SLC9B2: variants seen among roughly 807,000 people sequenced by gnomAD.
SLC9B2 encodes the protein solute carrier family 9 member B2.
In SLC9B2, 39 loss-of-function variants were observed where a neutral mutation model predicts 52.2. That is an observed-to-expected ratio of 0.75 (90% CI 0.58 to 0.98). SLC9B2 has a LOEUF of 0.98. Ranked by LOEUF, SLC9B2 falls within the 50% of genes least tolerant of loss-of-function variation. The pLI, the probability that SLC9B2 is intolerant of heterozygous loss-of-function variation, is 0.00. For missense variants in SLC9B2, 626 were observed against 637.5 expected (o/e 0.98, Z 0.19); for synonymous variants, 214 against 227.0 (o/e 0.94, Z 0.51).
chr4:103,044,736 A>G (rs549620175), intron 8 of SLC9B2, among the ~76,000 whole-genome samples, 154 bp downstream of exon 8: 1 of 152,318 alleles, frequency 6.6e-6, no homozygotes, highest in Admixed American at 6.5e-5. Context: ...TATTGAGCCC[A>G]CTTCATAAAT....
chr4:103,057,603 G>A (rs1048403069), intron 4 of SLC9B2, among the ~76,000 whole-genome samples, 198 bp downstream of exon 4: 6 of 152,090 alleles, frequency 3.9e-5, no homozygotes, highest in Non-Finnish European at 7.4e-5. Flanking sequence ...CACAGCACAC[G>A]GGCCAGGATA....
intron 4 of SLC9B2, 98 bp from the exon 5 acceptor site, chr4:103,050,480 C>T: frequency 9.1e-7 from 1 of 1,101,768 alleles, no homozygotes; most frequent in South Asian, 3.5e-5. Context: ...ATCCCAGGAA[C>T]CACTTCACTT....
At chr4:103,067,310 C>T in intron 2 of SLC9B2, 151 bp downstream of exon 2, 1 of 629,954 alleles carries the variant, frequency 1.6e-6, no homozygotes, top group Non-Finnish European at 2.8e-6. Flanking sequence ...CTCCATTTTT[C>T]TAGTTACAGG....
intron 11 of SLC9B2, 58 bp from the exon 12 acceptor site, chr4:103,026,649 G>GT: frequency 2.0e-6 from 3 of 1,509,042 alleles, no homozygotes; most frequent in Non-Finnish European, 2.7e-6. Context: ...TATAAAAAAA[G>GT]TGAGTTTTTT....
chr4:103,019,428 G>C (rs2110553682), downstream of SLC9B2, among the ~76,000 whole-genome samples: 1 of 152,274 alleles, frequency 6.6e-6, no homozygotes, highest in Admixed American at 6.5e-5. Context: ...GGAGAGGAGA[G>C]ACAATGTCTG....
rs1170680126 is a variant in SLC9B2, at chr4:103,023,828, C to T, written c.*2542G>A. 6.6e-6 allele frequency among the ~76,000 whole-genome samples: 1 copy of T among 152,084 alleles called. No individual in the cohort carries two copies. Among genetic ancestry groups the T allele is most frequent in the Non-Finnish European group, 1.5e-5 (1 of 68,012 alleles). ...TTCCATTTCTAATTTTCCTAGGGGC[C>T]CTAAACATATTCAATAGCATTCTGA... is the stretch of plus-strand genomic sequence containing the variant. On this transcript the variant is annotated 3_prime_UTR_variant, in exon 12 of 12. Transcript: ENST00000394785.
chr4:103,060,975 G>A (rs1483178902), intron 3 of SLC9B2, among the ~76,000 whole-genome samples: 1 of 152,140 alleles, frequency 6.6e-6, no homozygotes, highest in Non-Finnish European at 1.5e-5. Context: ...CCTCAAATTT[G>A]GCATCACACT....
At chr4:103,034,787 T>G (rs1743018226) in intron 9 of SLC9B2, among the ~76,000 whole-genome samples, 1 of 151,970 alleles carries the variant, frequency 6.6e-6, no homozygotes, top group Non-Finnish European at 1.5e-5. Context: ...CTATTATTAT[T>G]TTTTTTAATA....
rs927641376 is a variant in SLC9B2 at position 103,024,096 on chromosome 4, C to T, written c.*2274G>A. Among the ~76,000 whole-genome samples, 1 of 152,154 alleles carries T rather than the reference C, an allele frequency of 6.6e-6. No homozygotes were observed. The highest frequency in any genetic ancestry group is 1.5e-5 in the Non-Finnish European group (1 of 68,032). On this transcript the variant is annotated 3_prime_UTR_variant, in exon 12 of 12. Coordinates refer to ENST00000394785, the MANE Select transcript of SLC9B2 (RefSeq NM_178833.7). ...TCCTGCCATGAGCTCCCTAGCAGCC[C>T]TGTAGTTCCTGCATAATAGCACTTA...
At chr4:103,059,382 G>T (rs1745434889) in intron 3 of SLC9B2, among the ~76,000 whole-genome samples, 1 of 152,114 alleles carries the variant, frequency 6.6e-6, no homozygotes, top group Non-Finnish European at 1.5e-5. Flanking sequence ...CCATATTTTA[G>T]CCCTCTGCCT....
downstream of SLC9B2, chr4:103,019,983 A>G (rs1033300632): frequency 1.9e-5 from 18 of 952,636 alleles, no homozygotes; most frequent in Non-Finnish European, 2.3e-5. Context: ...GTCAAAACTC[A>G]GATTGTGTTT....
chr4:103,050,179 A>G, intron 5 of SLC9B2, 61 bp downstream of exon 5: 1 of 1,422,692 alleles, frequency 7.0e-7, no homozygotes, highest in Non-Finnish European at 9.4e-7. Context: ...ATTCTGTTAG[A>G]TACCTGAAGC....
In SLC9B2 at chr4:103,023,987, A is replaced by G. The variant is rs1741992873; in HGVS notation, c.*2383T>C. On this transcript the variant is annotated 3_prime_UTR_variant, in exon 12 of 12. Transcript: ENST00000394785. ...TGGTCTTACATCCCTTTTGCTGGCT[A>G]AGTCCTAATCTTCCCTCAGCCAATG... Among the ~76,000 whole-genome samples the G allele has an allele frequency of 1.3e-5, 2 of 152,178 alleles. No homozygotes were observed. Among genetic ancestry groups the G allele is most frequent in the South Asian group, 4.1e-4 (2 of 4,828 alleles).
chr4:103,055,132 G>C (rs113652069), intron 4 of SLC9B2, among the ~76,000 whole-genome samples: 349 of 151,538 alleles, frequency 2.3e-3, no homozygotes, highest in African/African-American at 8.2e-3. Context: ...GCAAACTATT[G>C]CAAGGACAAA....
At chr4:103,048,773 C>T in intron 6 of SLC9B2, 120 bp downstream of exon 6, 2 of 1,209,620 alleles carry the variant, frequency 1.7e-6, no homozygotes, top group Non-Finnish European at 2.3e-6. Context: ...TATGCTGTAA[C>T]ATCTATGTTG....
In SLC9B2 at chr4:103,066,386, C is replaced by T. The variant is rs748151631; in HGVS notation, c.212G>A (p.Arg71Lys). The T allele has an allele frequency of 6.2e-7, 1 of 1,614,082 alleles. No homozygotes were observed. Among genetic ancestry groups the T allele is most frequent in the Non-Finnish European group, 8.5e-7 (1 of 1,179,944 alleles). ...AGGGCAAGCCAGCATTTGTCTCAGTCTTTGTACGTGATTTGCTTCAGTTGG... is the reference window on the plus strand; with the variant it reads ...AGGGCAAGCCAGCATTTGTCTCAGTTTTTGTACGTGATTTGCTTCAGTTGG... ...ETPTEANHVQRLRQMLACPPH... is the reference protein window; with the variant it reads ...ETPTEANHVQKLRQMLACPPH... The change falls in exon 3 of 12, where the codon AGA becomes AAA. Residue 71 changes from arginine to lysine, a missense_variant. Transcript: ENST00000394785.
intron 1 of SLC9B2, among the ~76,000 whole-genome samples, chr4:103,072,780 G>A (rs887578983): frequency 6.6e-6 from 1 of 152,104 alleles, no homozygotes; most frequent in Non-Finnish European, 1.5e-5. Flanking sequence ...GTAATCTTAT[G>A]GAGAATTTAC....
downstream of SLC9B2, among the ~76,000 whole-genome samples, chr4:103,019,432 AT>A (rs1244395210): frequency 6.6e-6 from 1 of 152,224 alleles, no homozygotes; most frequent in Non-Finnish European, 1.5e-5. Flanking sequence ...AGGAGAGACA[AT>A]GTCTGTGGCT....
At chr4:103,041,297 A>G (rs1379608543) in intron 9 of SLC9B2, among the ~76,000 whole-genome samples, 1 of 152,210 alleles carries the variant, frequency 6.6e-6, no homozygotes, top group Non-Finnish European at 1.5e-5. Context: ...TAGCAGAGTT[A>G]CTAGAGGTAA....
Sources: allele counts gnomAD v4.1 joint callset (sites outside exome capture counted in the v4.1 genomes callset), GRCh38; gene constraint gnomAD v4.1.1; transcripts MANE v1.5; gene names NCBI Gene and HGNC (gene_info 2026-07-23, HGNC 2026-07-21).